TLN2: variants seen among roughly 807,000 people sequenced by gnomAD.
TLN2 encodes the protein talin 2.
TLN2 carries 118 observed loss-of-function variants against 294.7 expected under a neutral mutation model. That is an observed-to-expected ratio of 0.40 (90% CI 0.34 to 0.47). The LOEUF is 0.47. Ranked by LOEUF, TLN2 falls within the 20% of genes least tolerant of loss-of-function variation. TLN2 has a pLI of 0.84. For synonymous variants in TLN2, 1,431 were observed against 1,304.5 expected (o/e 1.10, Z -2.09); for missense variants, 3,083 against 3,282.2 (o/e 0.94, Z 1.48).
intron 52 of TLN2, among the ~76,000 whole-genome samples, chr15:62,817,910 G>A (rs2067244996): frequency 6.7e-6 from 1 of 149,366 alleles, no homozygotes; most frequent in Non-Finnish European, 1.5e-5. Context: ...CCTCTGTTGA[G>A]GCAGTTCTCC....
chr15:62,569,140 C>T (rs956275695), intron 1 of TLN2, among the ~76,000 whole-genome samples: 1 of 152,184 alleles, frequency 6.6e-6, no homozygotes, highest in Non-Finnish European at 1.5e-5. Context: ...TGTGTTTTTT[C>T]TCTGTCTCTT....
At chr15:62,611,140 TAAGA>T (rs1362516902) in intron 2 of TLN2, among the ~76,000 whole-genome samples, 3 of 152,210 alleles carry the variant, frequency 2.0e-5, no homozygotes, top group African/African-American at 7.2e-5. Context: ...TGTGCTAACT[TAAGA>T]TAGAGCGATA....
intron 1 of TLN2, among the ~76,000 whole-genome samples, chr15:62,473,263 G>C (rs765576207): frequency 8.5e-5 from 13 of 152,078 alleles, no homozygotes; most frequent in Non-Finnish European, 1.8e-4. Flanking sequence ...GCTCACTTCA[G>C]TTTTATTGGT....
At chr15:62,534,111 T>TAGTGTGTAGGGATTTCTCCCCAC (rs540106216) in intron 1 of TLN2, among the ~76,000 whole-genome samples, 48 of 152,254 alleles carry the variant, frequency 3.2e-4, no homozygotes, top group South Asian at 4.2e-4. Flanking sequence ...CTCCCAGGTC[T>TAGTGTGTAGGGATTTCTCCCCAC]AGTGTGTAGG....
At chr15:62,509,886 G>A (rs2039841627) in intron 1 of TLN2, among the ~76,000 whole-genome samples, 1 of 152,188 alleles carries the variant, frequency 6.6e-6, no homozygotes, top group Non-Finnish European at 1.5e-5. Flanking sequence ...TGGATTCCGT[G>A]TCCACACCCA....
At chr15:62,675,490 T>C (rs1454729079) in intron 11 of TLN2, among the ~76,000 whole-genome samples, 169 bp downstream of exon 11, 1 of 152,204 alleles carries the variant, frequency 6.6e-6, no homozygotes, top group Non-Finnish European at 1.5e-5. Context: ...ATGAGGGGTA[T>C]GACCTGCAGG....
intron 2 of TLN2, among the ~76,000 whole-genome samples, chr15:62,606,223 A>G (rs1464620731): frequency 1.3e-5 from 2 of 150,020 alleles, no homozygotes; most frequent in East Asian, 3.9e-4. Context: ...CTGGGACTAT[A>G]GGCACCCACC....
intron 44 of TLN2, among the ~76,000 whole-genome samples, 185 bp downstream of exon 44, chr15:62,781,426 C>G (rs1226966098): frequency 1.3e-5 from 2 of 152,168 alleles, no homozygotes; most frequent in Non-Finnish European, 2.9e-5. Context: ...TAGCCCCAGT[C>G]TGCTGCAGTT....
At chr15:62,571,761 A>G (rs976649530) in intron 1 of TLN2, among the ~76,000 whole-genome samples, 2 of 152,124 alleles carry the variant, frequency 1.3e-5, no homozygotes, top group African/African-American at 4.8e-5. Flanking sequence ...CCTCAACATC[A>G]CATCATTTCA....
chr15:62,655,458 T>G (rs1323406860), intron 7 of TLN2, among the ~76,000 whole-genome samples: 1 of 152,192 alleles, frequency 6.6e-6, no homozygotes, highest in African/African-American at 2.4e-5. Context: ...ATTTTCTTCC[T>G]CTTTTCTACT....
chr15:62,663,464 C>T (rs1402234256), intron 9 of TLN2, among the ~76,000 whole-genome samples: 2 of 151,300 alleles, frequency 1.3e-5, no homozygotes, highest in South Asian at 4.2e-4. Context: ...AAGAGCTAAA[C>T]CATATCAGGA....
intron 1 of TLN2, among the ~76,000 whole-genome samples, chr15:62,494,440 G>T (rs1343272244): frequency 6.6e-6 from 1 of 152,046 alleles, no homozygotes; most frequent in East Asian, 1.9e-4. Flanking sequence ...AAAGGGCTGT[G>T]TGACCCTATT....
intron 30 of TLN2, among the ~76,000 whole-genome samples, chr15:62,738,744 G>A (rs1390624530): frequency 1.3e-5 from 2 of 152,188 alleles, no homozygotes; most frequent in African/African-American, 4.8e-5. Context: ...GTCTGCTGAA[G>A]GAGGGTTTGT....
chr15:62,698,038 G>A (rs548212776), intron 15 of TLN2, among the ~76,000 whole-genome samples, 170 bp downstream of exon 15: 4 of 152,362 alleles, frequency 2.6e-5, no homozygotes, highest in African/African-American at 7.2e-5. Flanking sequence ...ATCACTGCCT[G>A]TTTAGTATCG....
intron 55 of TLN2, 156 bp from the exon 56 acceptor site, chr15:62,835,581 C>T (rs1324957461): frequency 5.2e-6 from 4 of 762,484 alleles, no homozygotes; most frequent in South Asian, 4.9e-5. Flanking sequence ...GCCTGAGTCC[C>T]ACGTGAGAAA....
intron 1 of TLN2, among the ~76,000 whole-genome samples, chr15:62,515,450 T>TG (rs2040140545): frequency 6.6e-6 from 1 of 152,248 alleles, no homozygotes; most frequent in Non-Finnish European, 1.5e-5. Flanking sequence ...GGCATACCTG[T>TG]GTGCAGGAAT....
chr15:62,789,155 G>A (rs909783674), intron 45 of TLN2, among the ~76,000 whole-genome samples: 3 of 152,100 alleles, frequency 2.0e-5, no homozygotes, highest in Non-Finnish European at 2.9e-5. Flanking sequence ...CATCCCTTCC[G>A]TGTGCTGTCC....
At chr15:62,670,241 G>A (rs975097479) in intron 9 of TLN2, among the ~76,000 whole-genome samples, 6 of 152,186 alleles carry the variant, frequency 3.9e-5, no homozygotes, top group Non-Finnish European at 5.9e-5. Flanking sequence ...TGGCAGCAAC[G>A]GTTCTCTCAT....
chr15:62,527,370 C>G (rs2040799773), intron 1 of TLN2, among the ~76,000 whole-genome samples: 1 of 152,140 alleles, frequency 6.6e-6, no homozygotes, highest in Non-Finnish European at 1.5e-5. Context: ...CCCAGTGCCT[C>G]TGCATCAGGA....
Sources: allele counts gnomAD v4.1 joint callset (sites outside exome capture counted in the v4.1 genomes callset), GRCh38; gene constraint gnomAD v4.1.1; transcripts MANE v1.5; gene names NCBI Gene and HGNC (gene_info 2026-07-23, HGNC 2026-07-21).